The following CRB1 variants were observed in gnomAD, a reference collection of about 807,000 sequenced individuals.
CRB1 encodes protein crumbs homolog 1.
A neutral mutation model predicts 120.0 loss-of-function variants in CRB1; 83 were observed. The ratio of observed to expected loss-of-function variants is 0.69; its 90% CI spans 0.58 to 0.83. CRB1 has a LOEUF of 0.83. Ranked by LOEUF, CRB1 falls within the 40% of genes least tolerant of loss-of-function variation. The pLI is 0.00. For missense variants in CRB1, 1,699 were observed against 1,687.6 expected, an observed-to-expected ratio of 1.01 and a Z score of -0.12; for synonymous variants, 625 against 612.5, an observed-to-expected ratio of 1.02 and a Z score of -0.30.
chr1:197,262,016 A>AG, the CRB1 span, among the ~76,000 whole-genome samples: 1 of 152,162 alleles, frequency 6.6e-6, no homozygotes, highest in Non-Finnish European at 1.5e-5. Flanking sequence ...GGGAACTGGG[A>AG]GAAAAAGTAC....
At chr1:197,334,293 A>C (rs1247831629) in intron 2 of CRB1, among the ~76,000 whole-genome samples, 1 of 152,256 alleles carries the variant, frequency 6.6e-6, no homozygotes, top group Non-Finnish European at 1.5e-5. Context: ...GCAGGCTTTT[A>C]TATAAAGCAC....
At chr1:197,413,930 C>A (rs1055351973) in intron 5 of CRB1, 19 of 456,578 alleles carry the variant, frequency 4.2e-5, no homozygotes, top group Non-Finnish European at 7.9e-5. Context: ...TGGATGGATA[C>A]CTCTTTTTTA....
At chr1:197,465,505 A>G (rs1024290732) in intron 11 of CRB1, among the ~76,000 whole-genome samples, 9 of 152,156 alleles carry the variant, frequency 5.9e-5, no homozygotes, top group African/African-American at 2.2e-4. Context: ...ATTTCAATAA[A>G]TCCTCATAAT....
chr1:197,411,063 G>A (rs918247418), intron 5 of CRB1, among the ~76,000 whole-genome samples: 5 of 152,188 alleles, frequency 3.3e-5, no homozygotes, highest in Non-Finnish European at 5.9e-5. Flanking sequence ...CTTCTGATAT[G>A]CCCTGGTATC....
intron 4 of CRB1, among the ~76,000 whole-genome samples, chr1:197,347,937 T>C (rs957878527): frequency 6.9e-6 from 1 of 145,726 alleles, no homozygotes; most frequent in African/African-American, 2.8e-5. Context: ...AATTAAAGTT[T>C]ACATATAGAG....
At chr1:197,210,698 A>G in the CRB1 span, among the ~76,000 whole-genome samples, 1 of 152,226 alleles carries the variant, frequency 6.6e-6, no homozygotes, top group African/African-American at 2.4e-5. Flanking sequence ...AAACAATGTC[A>G]TATGATTTCT....
intron 1 of CRB1, among the ~76,000 whole-genome samples, chr1:197,325,028 C>G (rs1658415197): frequency 6.6e-6 from 1 of 152,170 alleles, no homozygotes; most frequent in Non-Finnish European, 1.5e-5. Flanking sequence ...ATCATTTGTT[C>G]TGCTTGATTT....
chr1:197,216,127 C>T, the CRB1 span, among the ~76,000 whole-genome samples: 1 of 152,168 alleles, frequency 6.6e-6, no homozygotes, highest in Non-Finnish European at 1.5e-5. Flanking sequence ...ATTCTTCCTC[C>T]AGTATGTTAC....
At chr1:197,240,929 A>T in the CRB1 span, among the ~76,000 whole-genome samples, 229 of 152,148 alleles carry the variant, frequency 1.5e-3, no homozygotes, top group Non-Finnish European at 2.6e-3. Context: ...TGTGGTTTTG[A>T]TTTGCATTTC....
intron 5 of CRB1, among the ~76,000 whole-genome samples, chr1:197,400,630 A>G (rs1183173474): frequency 2.0e-5 from 3 of 152,218 alleles, no homozygotes; most frequent in African/African-American, 7.2e-5. Context: ...AAATGTGCAA[A>G]CAAAATAAAC....
intron 1 of CRB1, among the ~76,000 whole-genome samples, chr1:197,281,169 G>A (rs999421680): frequency 2.0e-5 from 3 of 151,926 alleles, no homozygotes; most frequent in African/African-American, 7.2e-5. Flanking sequence ...AAAGACTGAT[G>A]TGAGGGAACA....
chr1:197,404,336 G>A (rs552864504), intron 5 of CRB1, among the ~76,000 whole-genome samples: 48 of 151,616 alleles, frequency 3.2e-4, no homozygotes, highest in Non-Finnish European at 6.0e-4. Flanking sequence ...CAGCTACTCG[G>A]GAGGCTGAGG....
At chr1:197,455,759 T>A (rs140632292) in intron 11 of CRB1, among the ~76,000 whole-genome samples, 1 of 152,140 alleles carries the variant, frequency 6.6e-6, no homozygotes, top group Non-Finnish European at 1.5e-5. Flanking sequence ...TATATGTGTA[T>A]AATTTTCCTA....
At chr1:197,444,790 T>A (rs1285193237) in intron 11 of CRB1, 2 of 152,180 alleles carry the variant, frequency 1.3e-5, no homozygotes, top group African/African-American at 4.8e-5. Context: ...TTTTACATAT[T>A]TGCACAGAAA....
In CRB1 at chr1:197,363,964, G is replaced by A. The variant is rs879102584; in HGVS notation, c.1171+6951G>A. On this transcript the variant is annotated intron_variant, in intron 5 of 11. Transcript: ENST00000367400. Reference sequence around the variant, plus strand: ...TCGGCGGTATTATGAGAAGCCATGCGGCCGGCGACAGAGGGAAAGCTATGA... The same window carrying A: ...TCGGCGGTATTATGAGAAGCCATGCAGCCGGCGACAGAGGGAAAGCTATGA... The A allele has an allele frequency of 5.9e-5, 80 of 1,345,730 alleles. No individual in the cohort carries two copies. The African/African-American group carries it at 8.1e-4, about 14-fold the overall frequency. 83.4% of individuals were successfully genotyped at this position (1,345,730 alleles called of 1,614,324 possible). A position where few individuals can be genotyped will look rare whatever the true frequency, so the allele number is the denominator to read the frequency against.
chr1:197,474,142 A>T (rs1667103887), intron 11 of CRB1, among the ~76,000 whole-genome samples: 1 of 152,104 alleles, frequency 6.6e-6, no homozygotes, highest in African/African-American at 2.4e-5. Flanking sequence ...ATGACTACTA[A>T]TATGTTTGTG....
intron 11 of CRB1, among the ~76,000 whole-genome samples, chr1:197,454,711 C>A (rs150903609): frequency 1.3e-5 from 2 of 152,290 alleles, no homozygotes; most frequent in African/African-American, 4.8e-5. Flanking sequence ...AATCATGCAG[C>A]ATTTTTGTTA....
At chr1:197,365,086 T>A (rs1191694466) in intron 5 of CRB1, among the ~76,000 whole-genome samples, 1 of 152,248 alleles carries the variant, frequency 6.6e-6, no homozygotes, top group East Asian at 1.9e-4. Context: ...GGTCCAATGA[T>A]CAGTTTATTT....
At chr1:197,460,348 G>T (rs1287966974) in intron 11 of CRB1, among the ~76,000 whole-genome samples, 1 of 152,028 alleles carries the variant, frequency 6.6e-6, no homozygotes, top group Non-Finnish European at 1.5e-5. Context: ...CTGAGCAGTG[G>T]TTGGTTTGAA....
Sources: allele counts gnomAD v4.1 joint callset (sites outside exome capture counted in the v4.1 genomes callset), GRCh38; gene constraint gnomAD v4.1.1; transcripts MANE v1.5; gene names NCBI Gene and HGNC (gene_info 2026-07-23, HGNC 2026-07-21).